Variants in PM20D2 observed in about 807,000 individuals in gnomAD.
PM20D2 encodes the protein peptidase M20 domain containing 2.
In PM20D2, 33 loss-of-function variants were observed where a neutral mutation model predicts 42.9. That is an observed-to-expected ratio of 0.77 (90% CI 0.58 to 1.03). The LOEUF is 1.03. Ranked by LOEUF, PM20D2 falls within the 50% of genes least tolerant of loss-of-function variation. The probability of loss-of-function intolerance (pLI) is 0.00; values close to 1 mark genes in which losing one functional copy is unlikely to be tolerated. For missense variants in PM20D2, 548 were observed against 557.0 expected (o/e 0.98, Z 0.16); for synonymous variants, 250 against 228.2 (o/e 1.10, Z -0.86).
At chr6:89,112,424 T>A in the PM20D2 span, among the ~76,000 whole-genome samples, 1 of 151,500 alleles carries the variant, frequency 6.6e-6, no homozygotes, top group Admixed American at 6.6e-5. Context: ...TTAATTTCTT[T>A]CTAGTCTCAT....
At chr6:89,097,509 TTTCTTC>T in the PM20D2 span, 1 of 151,882 alleles carries the variant, frequency 6.6e-6, no homozygotes, top group Admixed American at 6.6e-5. Flanking sequence ...TAGTCTCGAG[TTTCTTC>T]TTCTTCTTTT....
At chr6:89,144,274 C>T (rs577869424), upstream of PM20D2, among the ~76,000 whole-genome samples, 57 of 148,502 alleles carry the variant, frequency 3.8e-4, no homozygotes, top group Non-Finnish European at 6.4e-4. Flanking sequence ...TAAATAGCAG[C>T]TTCTATATGA....
At chr6:89,149,694 G>T (rs932679565) in intron 2 of PM20D2, among the ~76,000 whole-genome samples, 7 of 152,124 alleles carry the variant, frequency 4.6e-5, no homozygotes, top group Admixed American at 2.6e-4. Context: ...TCAATAATCT[G>T]GTGTCTGGAA....
chr6:89,142,299 G>A (rs1024537695), upstream of PM20D2, among the ~76,000 whole-genome samples: 4 of 152,116 alleles, frequency 2.6e-5, no homozygotes, highest in Non-Finnish European at 5.9e-5. Flanking sequence ...TGCGTGTTAC[G>A]TGTTTGTTTC....
At chr6:89,115,731 G>GA in the PM20D2 span, among the ~76,000 whole-genome samples, 3 of 151,086 alleles carry the variant, frequency 2.0e-5, no homozygotes, top group African/African-American at 7.3e-5. Context: ...CCGCCTCCCG[G>GA]GTTCACACCA....
At chr6:89,118,414 G>C in the PM20D2 span, among the ~76,000 whole-genome samples, 1 of 152,232 alleles carries the variant, frequency 6.6e-6, no homozygotes, top group Non-Finnish European at 1.5e-5. Context: ...CAGGACCTTG[G>C]CAGTTGGTAG....
chr6:89,153,644 C>A (rs1418700440), intron 3 of PM20D2, among the ~76,000 whole-genome samples: 1 of 152,136 alleles, frequency 6.6e-6, no homozygotes, highest in Admixed American at 6.5e-5. Context: ...ATTGCCCAGG[C>A]TGGAGTGCAG....
chr6:89,142,671 T>TA (rs1452551787), upstream of PM20D2, among the ~76,000 whole-genome samples: 1 of 152,144 alleles, frequency 6.6e-6, no homozygotes, highest in Admixed American at 6.5e-5. Context: ...TTATTATTAT[T>TA]TTTTGAGACG....
the PM20D2 span, among the ~76,000 whole-genome samples, chr6:89,128,116 G>C: frequency 2.6e-5 from 4 of 152,194 alleles, no homozygotes; most frequent in Non-Finnish European, 5.9e-5. Context: ...CTGACTGCCT[G>C]CTGGGTCAGG....
rs866327951 is a variant in PM20D2, at chr6:89,146,202, C to G, written c.58C>G (p.Leu20Val). ...EGGACNGRSELELLKLRSAEC... is the reference protein window; with the variant it reads ...EGGACNGRSEVELLKLRSAEC... ...GGGCGCGTGCAATGGCCGCTCCGAG[C>G]TGGAGCTACTGAAGCTGCGCTCGGC... Residue 20 changes from leucine (L) to valine (V), a missense_variant, in exon 1 of 7, where the codon CTG becomes GTG. Transcript: ENST00000275072. The G allele has an allele frequency of 1.3e-6, 2 of 1,562,456 alleles. No individual in the cohort carries two copies. The highest frequency in any genetic ancestry group is 3.5e-5 in the Admixed American group (2 of 56,924).
the PM20D2 span, among the ~76,000 whole-genome samples, chr6:89,099,984 G>A: frequency 0.012 from 1,854 of 152,292 alleles, 26 homozygotes; most frequent in Non-Finnish European, 0.015. Flanking sequence ...GCATGGAGGA[G>A]TTGAGCCCAA....
the PM20D2 span, chr6:89,098,153 G>A: frequency 2.6e-5 from 4 of 153,098 alleles, no homozygotes; most frequent in East Asian, 7.7e-4. Context: ...AGAGACATAG[G>A]TGTCAAACAG....
Position 89,146,294 on chromosome 6 carries a change from G to C in PM20D2, c.150G>C (p.Glu50Asp). The change falls in exon 1 of 7, where the codon GAG becomes GAC. Residue 50 changes from glutamate to aspartate, a missense_variant. Glu to Asp is a conservative substitution (Grantham distance 45). Around this residue, in one of 3 missense-constraint regions of PM20D2, gnomAD observed 470 missense variants for 464.4 expected, o/e 1.01. Transcript: ENST00000275072. ...ALSRAIWSQPELAYEEHHAHR... is the reference protein window; with the variant it reads ...ALSRAIWSQPDLAYEEHHAHR... Reference sequence around the variant, plus strand: ...GCCGCGCGATCTGGAGCCAGCCCGAGCTGGCCTACGAGGAGCACCATGCCC... The same window carrying C: ...GCCGCGCGATCTGGAGCCAGCCCGACCTGGCCTACGAGGAGCACCATGCCC... The C allele has an allele frequency of 6.3e-7, 1 of 1,581,352 alleles. No homozygotes were observed. The highest frequency in any genetic ancestry group is 8.5e-7 in the Non-Finnish European group (1 of 1,172,102).
the PM20D2 span, among the ~76,000 whole-genome samples, chr6:89,099,100 G>A: frequency 6.6e-6 from 1 of 151,246 alleles, no homozygotes; most frequent in Non-Finnish European, 1.5e-5. Context: ...CATGCTTTTG[G>A]TTCAAACATA....
At chr6:89,144,214 G>A (rs1212504385), upstream of PM20D2, among the ~76,000 whole-genome samples, 3 of 119,778 alleles carry the variant, frequency 2.5e-5, no homozygotes, top group Non-Finnish European at 4.7e-5. Context: ...AAATGAATCT[G>A]TCTTTCCTCT....
At chr6:89,145,015 C>A (rs1308558730), upstream of PM20D2, among the ~76,000 whole-genome samples, 1 of 152,192 alleles carries the variant, frequency 6.6e-6, no homozygotes, top group Non-Finnish European at 1.5e-5. Flanking sequence ...GACTTATTTT[C>A]AAAATATTCA....
the PM20D2 span, among the ~76,000 whole-genome samples, chr6:89,112,073 T>C: frequency 1.3e-5 from 2 of 152,006 alleles, no homozygotes; most frequent in South Asian, 2.1e-4. Flanking sequence ...AAGGGCGTGA[T>C]CTCGGCTCAC....
the PM20D2 span, among the ~76,000 whole-genome samples, chr6:89,130,177 A>C: frequency 6.6e-6 from 1 of 152,158 alleles, no homozygotes; most frequent in Admixed American, 6.5e-5. Context: ...TTGACCTCCC[A>C]GGCTGAAACG....
In PM20D2 at chr6:89,158,392, A is replaced by G. The variant is rs762585418; in HGVS notation, c.980A>G (p.Tyr327Cys). 7 of 1,612,586 alleles carry G rather than the reference A, an allele frequency of 4.3e-6. No homozygotes were observed. The highest frequency in any genetic ancestry group is 4.5e-5 in the East Asian group (2 of 44,722). Residue 327 changes from tyrosine to cysteine, a missense_variant, in exon 5 of 7, where the codon TAT (tyrosine) becomes TGT (cysteine). Physicochemically the swap from Tyr to Cys is radical, Grantham distance 194. Coordinates refer to ENST00000275072, the MANE Select transcript of PM20D2 (RefSeq NM_001010853.3). ...CCCAATAAGAGCCTATGGAAAGCCT[A>G]TATGGAAAATGGAAGAAAGCTAGGA... Reference protein sequence around the residue: ...VLPNKSLWKAYMENGRKLGIE... With the variant: ...VLPNKSLWKACMENGRKLGIE...
Sources: allele counts gnomAD v4.1 joint callset (sites outside exome capture counted in the v4.1 genomes callset), GRCh38; gene constraint gnomAD v4.1.1; regional missense constraint gnomAD v4.1.1; transcripts MANE v1.5; gene names NCBI Gene and HGNC (gene_info 2026-07-23, HGNC 2026-07-21).